LYST: variants seen among roughly 807,000 people sequenced by gnomAD.
LYST encodes the protein lysosomal-trafficking regulator.
A neutral mutation model predicts 413.6 loss-of-function variants in LYST; 192 were observed. The ratio of observed to expected loss-of-function variants is 0.46; its 90% CI spans 0.41 to 0.52. LYST has a LOEUF of 0.52. Ranked by LOEUF, LYST falls within the 20% of genes least tolerant of loss-of-function variation. LYST has a pLI of 0.00. For missense variants in LYST, 3,815 were observed against 4,499.9 expected (o/e 0.85, Z 4.35); for synonymous variants, 1,525 against 1,567.3 (o/e 0.97, Z 0.64).
chr1:235,800,243 C>T (rs1161399634), intron 10 of LYST, 77 bp downstream of exon 10: 4 of 997,550 alleles, frequency 4.0e-6, no homozygotes, highest in Non-Finnish European at 6.4e-6. Flanking sequence ...AGCCACCACA[C>T]CTGGCCAGAA....
intron 44 of LYST, 106 bp from the exon 45 acceptor site, chr1:235,703,083 G>GA: frequency 1.2e-6 from 1 of 843,428 alleles, no homozygotes; most frequent in Non-Finnish European, 2.0e-6. Flanking sequence ...CTAGGTTATG[G>GA]AAAAAATGCT....
In LYST at chr1:235,664,384, C is replaced by T; in HGVS notation, c.11195+81G>A. ...TCTCTAAATACTGAATATTAATATG[C>T]CTAGATATTAAAAATTAATTTCTGA... On this transcript the variant is annotated intron_variant, in intron 51 of 52. Transcript: ENST00000389793. This position sits in a 1 kb window ranked among gnomAD's most constrained non-coding sequence, Gnocchi z 4.5. The T allele has an allele frequency of 7.9e-7, 1 of 1,269,448 alleles. No homozygotes were observed. The highest frequency in any genetic ancestry group is 1.2e-5 in the South Asian group (1 of 82,518). 78.6% of individuals were successfully genotyped at this position (1,269,448 alleles called of 1,614,324 possible).
chr1:235,735,839 G>C (rs1664771118), intron 31 of LYST: 1 of 152,068 alleles, frequency 6.6e-6, no homozygotes, highest in African/African-American at 2.4e-5. Flanking sequence ...TTTTAAATTA[G>C]TCAGAGACAG....
chr1:235,850,893 G>A (rs771827282), intron 1 of LYST, among the ~76,000 whole-genome samples: 5 of 152,138 alleles, frequency 3.3e-5, no homozygotes, highest in African/African-American at 7.2e-5. Flanking sequence ...TGGCATGGAC[G>A]TGGTGAACAG....
At position 235,741,584 on chromosome 1, in the gene LYST, A is replaced by G; in HGVS notation, c.8196T>C (p.Ile2732=). Residue 2732 remains isoleucine, a synonymous_variant, in exon 31 of 53, where the codon ATT becomes ATC. Coordinates refer to ENST00000389793, the MANE Select transcript of LYST (RefSeq NM_000081.4). ...ASGSKQQWTK[I]LWSCKETFRM... is the part of the protein sequence containing the mutation. ...GGAAGGTCTCCTTACAAGACCACAG[A>G]ATTTTAGTCCATTGCTGCTTGGAAC... 1 of 1,614,146 alleles carries G rather than the reference A, an allele frequency of 6.2e-7. No homozygotes were observed. The highest frequency in any genetic ancestry group is 2.2e-5 in the East Asian group (1 of 44,882).
chr1:235,712,457 C>A, intron 42 of LYST: 1 of 359,262 alleles, frequency 2.8e-6, no homozygotes, highest in Non-Finnish European at 4.2e-6. Flanking sequence ...GTTTAATTTT[C>A]GTCTATCTAT....
chr1:235,779,664 C>T (rs1669652827), intron 16 of LYST, among the ~76,000 whole-genome samples: 1 of 152,142 alleles, frequency 6.6e-6, no homozygotes, highest in African/African-American at 2.4e-5. Flanking sequence ...AATGGTGGGA[C>T]ATTTAGGATA....
intron 8 of LYST, among the ~76,000 whole-genome samples, chr1:235,802,085 T>C (rs1448814640): frequency 2.7e-5 from 4 of 150,436 alleles, no homozygotes; most frequent in African/African-American, 9.8e-5. Flanking sequence ...TCCTAGCTAC[T>C]TGGGAGGCAG....
Position 235,791,734 on chromosome 1 carries a change from G to T in LYST, c.4508C>A (p.Ser1503Ter). Residue 1503 changes from serine (S) to a stop codon, truncating the protein, a stop_gained, in exon 12 of 53, where the codon TCA becomes TAA. Transcript: ENST00000389793. LOFTEE classifies it high-confidence loss of function. ...KGKKIKKRNK[S>*]LILPDSSFDG... Reference sequence around the variant, plus strand: ...AAAACTGCTATCTGGTAAAATTAATGATTTGTTTCTTTTCTTTATCTTCTT... The same window carrying T: ...AAAACTGCTATCTGGTAAAATTAATTATTTGTTTCTTTTCTTTATCTTCTT... The T allele has an allele frequency of 2.5e-6, 4 of 1,612,940 alleles. No homozygotes were observed. Among genetic ancestry groups the T allele is most frequent in the South Asian group, 2.2e-5 (2 of 90,996 alleles).
Position 235,882,413 on chromosome 1 carries a change from G to T in LYST, n.454+774C>A, listed in dbSNP as rs530627712. 3.3e-5 allele frequency among the ~76,000 whole-genome samples: 5 copies of T among 152,316 alleles called. No homozygotes were observed. In the South Asian group the frequency reaches 1.0e-3, roughly 32 times the overall value. ...GGAAGCTTTGGACTTTATTCCATAG[G>T]TACTGGGCAGCTACTGGAGTCCATT... On this transcript the variant is annotated intron_variant and non_coding_transcript_variant, in intron 1 of 11. Coordinates refer to the LYST transcript ENST00000465349.
At chr1:235,755,783 C>G (rs1666984966) in intron 24 of LYST, 136 bp from the exon 25 acceptor site, 1 of 576,912 alleles carries the variant, frequency 1.7e-6, no homozygotes. Flanking sequence ...AAAAATGCCA[C>G]CACCACAGCA....
At chr1:235,877,121 G>C (rs928971978) in intron 1 of LYST, among the ~76,000 whole-genome samples, 5 of 152,192 alleles carry the variant, frequency 3.3e-5, no homozygotes, top group Non-Finnish European at 7.3e-5. Flanking sequence ...TCCCTAAAAT[G>C]TCTGTGGGAT....
At chr1:235,784,475 TA>T (rs1193413873) in intron 14 of LYST, among the ~76,000 whole-genome samples, 1 of 152,206 alleles carries the variant, frequency 6.6e-6, no homozygotes, top group Non-Finnish European at 1.5e-5. Context: ...TCAGCTGACA[TA>T]ATTCAGAAAA....
chr1:235,693,681 A>T (rs1455880692), intron 46 of LYST, among the ~76,000 whole-genome samples, 195 bp from the exon 47 acceptor site: 1 of 152,154 alleles, frequency 6.6e-6, no homozygotes, highest in Admixed American at 6.5e-5. Flanking sequence ...TCAGGGTGGG[A>T]TTATATTTTT....
intron 21 of LYST, 150 bp from the exon 22 acceptor site, chr1:235,763,001 T>C (rs1434986504): frequency 1.6e-6 from 1 of 642,406 alleles, no homozygotes; most frequent in Non-Finnish European, 2.8e-6. Context: ...AGGCACACGA[T>C]ATGTGAATAC....
intron 27 of LYST, among the ~76,000 whole-genome samples, chr1:235,751,712 C>G (rs1666515000): frequency 6.6e-6 from 1 of 152,012 alleles, no homozygotes; most frequent in Non-Finnish European, 1.5e-5. Context: ...TTAAAGAAAA[C>G]TAAAGGGTAT....
chr1:235,683,378 G>A (rs1659977062), intron 48 of LYST, among the ~76,000 whole-genome samples: 1 of 152,214 alleles, frequency 6.6e-6, no homozygotes, highest in Non-Finnish European at 1.5e-5. Flanking sequence ...CGAAGATGAT[G>A]TGGACACGTT....
chr1:235,821,935 AAGTACTACT>A (rs1674791746), intron 3 of LYST, among the ~76,000 whole-genome samples: 1 of 152,284 alleles, frequency 6.6e-6, no homozygotes, highest in South Asian at 2.1e-4. Context: ...ACCTAGACAA[AAGTACTACT>A]AGGAATCTTC....
intron 28 of LYST, among the ~76,000 whole-genome samples, chr1:235,750,837 T>C (rs1481543859): frequency 1.3e-5 from 2 of 152,212 alleles, no homozygotes; most frequent in African/African-American, 2.4e-5. Context: ...TGCCACAACA[T>C]GATTGCTGGA....
Sources: allele counts gnomAD v4.1 joint callset (sites outside exome capture counted in the v4.1 genomes callset), GRCh38; gene constraint gnomAD v4.1.1; non-coding constraint Gnocchi (gnomAD v3.1); transcripts MANE v1.5; gene names NCBI Gene and HGNC (gene_info 2026-07-23, HGNC 2026-07-21).